PUM2: variants seen among roughly 807,000 people sequenced by gnomAD.
The protein encoded by PUM2 is pumilio homolog 2.
Under a neutral mutation model 124.5 loss-of-function variants are expected in PUM2, and 57 were observed. The observed-to-expected ratio is 0.46, with a 90% CI of 0.37 to 0.57. The LOEUF (loss-of-function observed/expected upper bound fraction) is 0.57, where lower values mean the gene tolerates loss of function less well. Ranked by LOEUF, PUM2 falls within the 20% of genes least tolerant of loss-of-function variation. PUM2 has a pLI of 0.00. For synonymous variants in PUM2, 460 were observed against 446.1 expected, an observed-to-expected ratio of 1.03 and a Z score of -0.39; for missense variants, 1,065 against 1,290.6, an observed-to-expected ratio of 0.83 and a Z score of 2.68.
chr2:20,305,120 C>T (rs1448821275), intron 7 of PUM2, among the ~76,000 whole-genome samples: 1 of 152,100 alleles, frequency 6.6e-6, no homozygotes. Flanking sequence ...GTTTCTCACA[C>T]ATGAAAGTTC....
chr2:20,339,828 C>CGA (rs1291219157), intron 1 of PUM2, among the ~76,000 whole-genome samples: 9 of 152,100 alleles, frequency 5.9e-5, no homozygotes, highest in Middle Eastern at 3.4e-3. Flanking sequence ...TACAGTGAGC[C>CGA]GAGATCATGT....
At chr2:20,255,164 A>G (rs1664470461) in intron 18 of PUM2, 52 bp downstream of exon 18, 2 of 1,535,542 alleles carry the variant, frequency 1.3e-6, no homozygotes, top group East Asian at 2.3e-5. Flanking sequence ...TTTAAAAATT[A>G]AAACAATTTC....
chr2:20,259,784 T>C (rs1331465334), intron 15 of PUM2, among the ~76,000 whole-genome samples: 1 of 152,220 alleles, frequency 6.6e-6, no homozygotes, highest in Non-Finnish European at 1.5e-5. Context: ...TTGCTTTCAA[T>C]TGTACCCCTA....
chr2:20,305,555 TAC>T (rs1678053021), intron 7 of PUM2, among the ~76,000 whole-genome samples: 1 of 144,982 alleles, frequency 6.9e-6, no homozygotes. Context: ...AAACTGCAGA[TAC>T]ACAGAGACTA....
intron 1 of PUM2, among the ~76,000 whole-genome samples, chr2:20,346,912 C>CT (rs1688355048): frequency 6.6e-6 from 1 of 152,072 alleles, no homozygotes; most frequent in African/African-American, 2.4e-5. Context: ...TGATGACTAC[C>CT]TTTTTTTTCC....
At chr2:20,280,214 A>G (rs1263243629) in intron 12 of PUM2, among the ~76,000 whole-genome samples, 1 of 152,122 alleles carries the variant, frequency 6.6e-6, no homozygotes, top group Non-Finnish European at 1.5e-5. Context: ...ATGCTACCAC[A>G]TTAGGCAAAA....
At chr2:20,317,578 G>C (rs192686186) in intron 3 of PUM2, among the ~76,000 whole-genome samples, 13 of 152,228 alleles carry the variant, frequency 8.5e-5, no homozygotes, top group Non-Finnish European at 1.8e-4. Flanking sequence ...CTAGATTGGG[G>C]GGGTACATGT....
At chr2:20,323,983 C>T (rs1683062439) in intron 2 of PUM2, among the ~76,000 whole-genome samples, 1 of 137,198 alleles carries the variant, frequency 7.3e-6, no homozygotes, top group Non-Finnish European at 1.6e-5. Context: ...AATAAAAATG[C>T]TTAAAATATT....
intron 10 of PUM2, among the ~76,000 whole-genome samples, chr2:20,287,770 G>A (rs1572721826): frequency 6.6e-6 from 1 of 152,174 alleles, no homozygotes; most frequent in Admixed American, 6.5e-5. Flanking sequence ...GCAAGTTATT[G>A]GATGTGGAGG....
intron 3 of PUM2, among the ~76,000 whole-genome samples, chr2:20,316,568 G>C (rs1304820304): frequency 6.6e-6 from 1 of 151,802 alleles, no homozygotes; most frequent in Non-Finnish European, 1.5e-5. Context: ...TTACTAACTG[G>C]AAACATTTTA....
At chr2:20,336,559 C>T (rs1686072327) in intron 1 of PUM2, among the ~76,000 whole-genome samples, 2 of 151,474 alleles carry the variant, frequency 1.3e-5, no homozygotes, top group South Asian at 4.2e-4. Context: ...CTCTGTTGCC[C>T]AAGATGGAGC....
chr2:20,300,259 C>G (rs1278306568), intron 7 of PUM2, among the ~76,000 whole-genome samples: 3 of 152,126 alleles, frequency 2.0e-5, no homozygotes, highest in African/African-American at 4.8e-5. Flanking sequence ...CAGTGATTCT[C>G]CTGCCTCAGC....
chr2:20,345,115 G>A (rs376094105), intron 1 of PUM2, among the ~76,000 whole-genome samples: 3 of 144,162 alleles, frequency 2.1e-5, no homozygotes, highest in Admixed American at 6.9e-5. Flanking sequence ...CGGCGGGGCC[G>A]GGGAGACAGG....
chr2:20,261,422 A>AAAAG (rs1666230432), intron 14 of PUM2, among the ~76,000 whole-genome samples: 2 of 144,616 alleles, frequency 1.4e-5, no homozygotes, highest in African/African-American at 2.6e-5. Flanking sequence ...AAAAAAAAAA[A>AAAAG]GTGTAGTACA....
intron 1 of PUM2, among the ~76,000 whole-genome samples, chr2:20,333,426 C>G (rs890509063): frequency 6.6e-6 from 1 of 151,602 alleles, no homozygotes. Context: ...CTCAGCTACC[C>G]GAGAGGCTGA....
chr2:20,344,058 T>TA (rs1385028556), intron 1 of PUM2, among the ~76,000 whole-genome samples: 1 of 152,004 alleles, frequency 6.6e-6, no homozygotes, highest in African/African-American at 2.4e-5. Context: ...CATTTTACTT[T>TA]ATTTTATTTT....
chr2:20,253,022 C>A (rs1293818447), intron 20 of PUM2, among the ~76,000 whole-genome samples: 1 of 152,072 alleles, frequency 6.6e-6, no homozygotes, highest in African/African-American at 2.4e-5. Context: ...AAATACTATA[C>A]GCTATTTTAT....
chr2:20,266,628 ATACAT>A (rs1268944894), intron 13 of PUM2, among the ~76,000 whole-genome samples: 2 of 152,260 alleles, frequency 1.3e-5, no homozygotes, highest in Admixed American at 6.5e-5. Context: ...AATTTTTAAC[ATACAT>A]TAGACATTTT....
chr2:20,269,404 T>C lies in PUM2; in HGVS notation c.1958-5944A>G, dbSNP rs181249962. ...TTTTAGTAGAGACAGGGTTTCACCA[T>C]GTTAGTCAGGATGGTCTTGATCTCC... On this transcript the variant is annotated intron_variant, in intron 13 of 20. Coordinates refer to ENST00000361078, the MANE Select transcript of PUM2 (RefSeq NM_015317.5). Among the ~76,000 whole-genome samples the C allele has an allele frequency of 2.0e-3, 298 of 152,172 alleles. 2 individuals are homozygous for C. The highest frequency in any genetic ancestry group is 4.4e-3 in the East Asian group (23 of 5,176).
Sources: gnomAD v4.1 joint callset for allele counts (sites outside exome capture counted in the v4.1 genomes callset) on GRCh38, gnomAD v4.1.1 for gene constraint, MANE v1.5 for transcripts, NCBI Gene and HGNC (gene_info 2026-07-23, HGNC 2026-07-21) for gene names.